The following BTG4 variants were observed in gnomAD, a reference collection of about 807,000 sequenced individuals.
BTG4 encodes the protein protein BTG4.
BTG4 carries 10 observed loss-of-function variants against 19.3 expected under a neutral mutation model. The ratio of observed to expected loss-of-function variants is 0.52; its 90% CI spans 0.32 to 0.88. The LOEUF is 0.88. Among genes scored for constraint, BTG4 ranks in the 40% least tolerant of loss-of-function variants. The pLI is 0.04. For missense variants in BTG4, 238 were observed against 281.9 expected, an observed-to-expected ratio of 0.84 and a Z score of 1.11; for synonymous variants, 91 against 95.7, an observed-to-expected ratio of 0.95 and a Z score of 0.29.
the BTG4 span, among the ~76,000 whole-genome samples, chr11:111,401,287 C>T: frequency 2.0e-5 from 3 of 151,908 alleles, no homozygotes; most frequent in African/African-American, 7.2e-5. Flanking sequence ...GAGATCGAGA[C>T]CATCCTGTGA....
chr11:111,406,148 A>G, the BTG4 span, among the ~76,000 whole-genome samples: 1 of 152,222 alleles, frequency 6.6e-6, no homozygotes, highest in Non-Finnish European at 1.5e-5. Flanking sequence ...TCATATGCCC[A>G]TTTCAATACA....
At chr11:111,444,460 G>C in the BTG4 span, among the ~76,000 whole-genome samples, 1 of 152,078 alleles carries the variant, frequency 6.6e-6, no homozygotes, top group Non-Finnish European at 1.5e-5. Context: ...GAAGAGTAGT[G>C]GGGGGCTGGG....
chr11:111,495,833 G>A (rs61896879), intron 4 of BTG4, among the ~76,000 whole-genome samples: 17 of 152,266 alleles, frequency 1.1e-4, no homozygotes, highest in Middle Eastern at 3.4e-3. Context: ...CAACAACCTC[G>A]ATAGGTTATT....
the BTG4 span, among the ~76,000 whole-genome samples, chr11:111,412,924 G>C: frequency 2.0e-5 from 3 of 152,190 alleles, no homozygotes; most frequent in Admixed American, 1.3e-4. Context: ...AATGGGTTGG[G>C]CTTTATCCAA....
At chr11:111,423,385 T>A in the BTG4 span, among the ~76,000 whole-genome samples, 5 of 152,238 alleles carry the variant, frequency 3.3e-5, no homozygotes, top group Non-Finnish European at 7.3e-5. Flanking sequence ...ATCTCCATTG[T>A]CAAAACTTGA....
chr11:111,490,344 G>T (rs898029939), downstream of BTG4, among the ~76,000 whole-genome samples: 1 of 151,512 alleles, frequency 6.6e-6, no homozygotes, highest in African/African-American at 2.4e-5. Context: ...AATGATCAAC[G>T]CTTGAGGTGA....
chr11:111,508,925 C>T (rs756878404), intron 1 of BTG4, among the ~76,000 whole-genome samples: 1 of 151,880 alleles, frequency 6.6e-6, no homozygotes, highest in Non-Finnish European at 1.5e-5. Context: ...AGAGATTGTT[C>T]TCTAAAGATG....
intron 5 of BTG4, among the ~76,000 whole-genome samples, chr11:111,484,616 G>A (rs1050238780): frequency 5.3e-5 from 8 of 151,888 alleles, no homozygotes; most frequent in Non-Finnish European, 8.8e-5. Flanking sequence ...CAAGCTTCAC[G>A]GTAATGGCAA....
the BTG4 span, among the ~76,000 whole-genome samples, chr11:111,429,172 C>A: frequency 1.3e-5 from 2 of 152,134 alleles, no homozygotes; most frequent in Admixed American, 1.3e-4. Flanking sequence ...TCAAAATACC[C>A]AGTACCCAAG....
chr11:111,450,046 T>G, the BTG4 span: 1 of 152,354 alleles, frequency 6.6e-6, no homozygotes, highest in African/African-American at 2.4e-5. Context: ...CATCAGAGGC[T>G]CAGAACCAGA....
chr11:111,398,841 T>C, the BTG4 span, among the ~76,000 whole-genome samples: 1 of 152,036 alleles, frequency 6.6e-6, no homozygotes. Flanking sequence ...CTACATTTCA[T>C]AAACGTATCA....
At chr11:111,492,871 A>G (rs1865500121), downstream of BTG4, among the ~76,000 whole-genome samples, 1 of 152,058 alleles carries the variant, frequency 6.6e-6, no homozygotes, top group African/African-American at 2.4e-5. Context: ...AAGAAGTCTC[A>G]AATACCAGAG....
downstream of BTG4, among the ~76,000 whole-genome samples, chr11:111,491,426 T>G (rs115619161): frequency 7.5e-3 from 1,149 of 152,214 alleles, 18 homozygotes; most frequent in African/African-American, 0.026. Context: ...GCATGTGAAT[T>G]TATAATTACC....
At chr11:111,422,435 C>T in the BTG4 span, among the ~76,000 whole-genome samples, 1 of 152,202 alleles carries the variant, frequency 6.6e-6, no homozygotes, top group Admixed American at 6.5e-5. Flanking sequence ...TCAAGATGGA[C>T]ATTCACAGTG....
chr11:111,513,567 G>C (rs148946978), upstream of BTG4: 5 of 478,438 alleles, frequency 1.0e-5, no homozygotes, highest in African/African-American at 9.8e-5. Context: ...GCGTGGGGAA[G>C]AGGGGTGTTG....
At chr11:111,501,193 CCT>C (rs1565470916) in intron 1 of BTG4, among the ~76,000 whole-genome samples, 2 of 151,968 alleles carry the variant, frequency 1.3e-5, no homozygotes, top group Non-Finnish European at 2.9e-5. Context: ...CAGTAAGACC[CCT>C]GTCTCTACAA....
rs1591516659 is a variant in BTG4 at position 111,497,486 on chromosome 11, T to C, written c.312-77A>G. 8.5e-6 allele frequency: 8 copies of C among 935,750 alleles called. No individual in the cohort carries two copies. The East Asian group carries it at 2.3e-4, about 27-fold the overall frequency. 58.0% of individuals were successfully genotyped at this position (935,750 alleles called of 1,614,324 possible). On this transcript the variant is annotated intron_variant, in intron 3 of 4. Transcript: ENST00000692032. ...GATCTCCAATCTTTCCTGGAGACAA[T>C]ATGCTAACTTATTTTAAAAGAAATT...
At chr11:111,499,026 GAAAA>G (rs536545791) in intron 1 of BTG4, among the ~76,000 whole-genome samples, 1 of 144,980 alleles carries the variant, frequency 6.9e-6, no homozygotes, top group African/African-American at 2.5e-5. Context: ...GTTTTCAAAG[GAAAA>G]AAAAAAGTCT....
the BTG4 span, among the ~76,000 whole-genome samples, chr11:111,424,688 T>A: frequency 6.6e-6 from 1 of 152,354 alleles, no homozygotes; most frequent in Admixed American, 6.5e-5. Context: ...CCAGATGTAG[T>A]GGCTGACGCC....
Sources: gnomAD v4.1 joint callset for allele counts (sites outside exome capture counted in the v4.1 genomes callset) on GRCh38, gnomAD v4.1.1 for gene constraint, MANE v1.5 for transcripts, NCBI Gene and HGNC (gene_info 2026-07-23, HGNC 2026-07-21) for gene names.